The following NAV3 variants were observed in gnomAD, a reference collection of about 807,000 sequenced individuals.
NAV3 encodes the protein pore membrane and/or filament interacting like protein 1.
A neutral mutation model predicts 244.7 loss-of-function variants in NAV3; 87 were observed. The observed-to-expected ratio is 0.36, with a 90% CI of 0.30 to 0.42. NAV3 has a LOEUF of 0.42. NAV3 is among the 20% of genes least tolerant of loss of function. NAV3 has a pLI of 1.00. For synonymous variants in NAV3, 1,126 were observed against 1,042.2 expected (o/e 1.08, Z -1.55); for missense variants, 2,663 against 2,893.3 (o/e 0.92, Z 1.83).
chr12:77,603,899 C>T (rs994329383), intron 2 of NAV3, among the ~76,000 whole-genome samples: 4 of 151,952 alleles, frequency 2.6e-5, no homozygotes, highest in Non-Finnish European at 5.9e-5. Context: ...ACAAAATTGA[C>T]GAAGTCCTCA....
chr12:78,175,268 C>G (rs747197169), intron 24 of NAV3, 38 bp from the exon 25 acceptor site: 2 of 1,605,478 alleles, frequency 1.2e-6, no homozygotes, highest in South Asian at 1.1e-5. Context: ...GATCGAGACT[C>G]TTCATGAGCC....
intron 23 of NAV3, among the ~76,000 whole-genome samples, chr12:78,164,389 C>T (rs1439135737): frequency 6.6e-6 from 1 of 151,846 alleles, no homozygotes; most frequent in Non-Finnish European, 1.5e-5. Context: ...TGGGTGACTA[C>T]AAAACAGGAA....
chr12:77,766,735 G>GTTTGTTTTTTTTTTTTT lies in NAV3; in HGVS notation c.73-173581_73-173580insGTTTTTTTTTTTTTTTT, dbSNP rs1555202961. ...AGGATTCTAAAAAACAGGCAATTAA[G>GTTTGTTTTTTTTTTTTT]TTTTTTTTTTTTTTTTTTTTTTTTT... On this transcript the variant is annotated intron_variant, in intron 2 of 8. Coordinates refer to the NAV3 transcript ENST00000550042. 7.6e-3 allele frequency among the ~76,000 whole-genome samples: 458 copies of GTTTGTTTTTTTTTTTTT among 60,510 alleles called. 132 individuals are homozygous for GTTTGTTTTTTTTTTTTT. Among genetic ancestry groups the GTTTGTTTTTTTTTTTTT allele is most frequent in the Middle Eastern group, 0.045 (5 of 110 alleles). 39.7% of individuals were successfully genotyped at this position (60,510 alleles called of 152,430 possible).
chr12:77,850,702 A>T (rs947916514), intron 1 of NAV3, among the ~76,000 whole-genome samples: 3 of 152,054 alleles, frequency 2.0e-5, no homozygotes, highest in Non-Finnish European at 4.4e-5. Flanking sequence ...TCTCATTTTT[A>T]AAATGGCTTC....
chr12:77,649,752 A>G (rs1178215691), intron 2 of NAV3, among the ~76,000 whole-genome samples: 2 of 152,154 alleles, frequency 1.3e-5, no homozygotes, highest in Non-Finnish European at 1.5e-5. Flanking sequence ...CCTTTCTGCT[A>G]TATTTTTTAT....
At chr12:77,862,531 T>G (rs942280859) in intron 1 of NAV3, among the ~76,000 whole-genome samples, 1 of 151,838 alleles carries the variant, frequency 6.6e-6, no homozygotes, top group Non-Finnish European at 1.5e-5. Flanking sequence ...TATTTTGGCT[T>G]GATGTTTTGT....
chr12:77,749,152 G>A (rs1868710317), intron 2 of NAV3, among the ~76,000 whole-genome samples: 1 of 152,120 alleles, frequency 6.6e-6, no homozygotes, highest in Admixed American at 6.6e-5. Flanking sequence ...CAGAACTACT[G>A]GAAAGATGTG....
intron 2 of NAV3, among the ~76,000 whole-genome samples, chr12:77,608,355 G>C (rs1284814051): frequency 6.6e-6 from 1 of 152,062 alleles, no homozygotes; most frequent in Non-Finnish European, 1.5e-5. Flanking sequence ...TTTGTGAACT[G>C]TCAGCTTAGA....
Position 78,118,856 on chromosome 12 carries a change from G to A in NAV3, c.3041-381G>A, listed in dbSNP as rs143850214. 2.3e-3 allele frequency among the ~76,000 whole-genome samples: 355 copies of A among 152,214 alleles called. 3 individuals carry two copies. The highest frequency in any genetic ancestry group is 8.1e-3 in the African/African-American group (338 of 41,544). On this transcript the variant is annotated intron_variant, in intron 14 of 39. Coordinates refer to ENST00000397909, the MANE Select transcript of NAV3 (RefSeq NM_001024383.2). ...TTAAAATAATGCCTAATTATAAATA[G>A]TGCCACCTGAAGCACTAATTAACAG...
In NAV3 at chr12:77,781,586, G is replaced by A. The variant is rs150763911; in HGVS notation, c.73-158733G>A. 7.7e-4 allele frequency among the ~76,000 whole-genome samples: 117 copies of A among 152,156 alleles called. 1 individual carries two copies. The highest frequency in any genetic ancestry group is 2.7e-3 in the African/African-American group (114 of 41,506). On this transcript the variant is annotated intron_variant, in intron 2 of 8. Transcript: ENST00000550042. ...TTACATTTATTGACAAATGTCTCAT[G>A]TCTCCCTAAAATGTATAAAACCAAG...
intron 12 of NAV3, among the ~76,000 whole-genome samples, chr12:78,090,693 G>C (rs1319874877): frequency 6.6e-6 from 1 of 151,914 alleles, no homozygotes; most frequent in African/African-American, 2.4e-5. Flanking sequence ...AAGTTTTTCA[G>C]GAACAAAAAC....
chr12:78,179,414 C>A, intron 28 of NAV3, 115 bp from the exon 29 acceptor site: 4 of 1,221,284 alleles, frequency 3.3e-6, no homozygotes, highest in Non-Finnish European at 4.5e-6. Flanking sequence ...TTGCCAGCAG[C>A]ACACCATATC....
At chr12:77,689,073 G>A (rs947236963) in intron 2 of NAV3, among the ~76,000 whole-genome samples, 1 of 151,902 alleles carries the variant, frequency 6.6e-6, no homozygotes, top group African/African-American at 2.4e-5. Flanking sequence ...ATGGGGTTGA[G>A]TGTACTATTA....
chr12:78,128,267 T>TAA (rs33971273), intron 17 of NAV3, among the ~76,000 whole-genome samples: 20,209 of 142,430 alleles, frequency 0.14, 1,718 homozygotes, highest in Admixed American at 0.27. Context: ...GTTTTTCCTT[T>TAA]AAAAAAAAAA....
At chr12:77,622,081 T>C (rs1181580054) in intron 2 of NAV3, among the ~76,000 whole-genome samples, 1 of 152,186 alleles carries the variant, frequency 6.6e-6, no homozygotes, top group Middle Eastern at 3.2e-3. Flanking sequence ...ATTTGTATTA[T>C]TTCATTATAC....
At chr12:77,624,884 C>T (rs1020403892) in intron 2 of NAV3, among the ~76,000 whole-genome samples, 26 of 152,198 alleles carry the variant, frequency 1.7e-4, no homozygotes, top group African/African-American at 6.0e-4. Context: ...TTTGATTTTG[C>T]CTTCCATAGG....
At chr12:78,031,984 C>T (rs895844968) in intron 9 of NAV3, among the ~76,000 whole-genome samples, 6 of 152,052 alleles carry the variant, frequency 3.9e-5, no homozygotes, top group Non-Finnish European at 7.4e-5. Flanking sequence ...CAGTGACCTC[C>T]ACCCTCAAAT....
intron 2 of NAV3, among the ~76,000 whole-genome samples, chr12:77,771,457 A>G (rs1303564463): frequency 5.3e-5 from 8 of 151,244 alleles, no homozygotes; most frequent in Admixed American, 2.7e-4. Flanking sequence ...ATAAAGACAC[A>G]TGCACATGCA....
intron 12 of NAV3, among the ~76,000 whole-genome samples, chr12:78,074,498 T>C (rs896190766): frequency 6.6e-6 from 1 of 152,050 alleles, no homozygotes; most frequent in Non-Finnish European, 1.5e-5. Context: ...GGGTCAGGAG[T>C]TCGAGACCAG....
Sources: gnomAD v4.1 joint callset for allele counts (sites outside exome capture counted in the v4.1 genomes callset) on GRCh38, gnomAD v4.1.1 for gene constraint, MANE v1.5 for transcripts, NCBI Gene and HGNC (gene_info 2026-07-23, HGNC 2026-07-21) for gene names.